Variants in PDZRN4 observed in about 807,000 individuals in gnomAD.
The protein encoded by PDZRN4 is PDZ domain containing ring finger 4.
A neutral mutation model predicts 99.0 loss-of-function variants in PDZRN4; 70 were observed. That is an observed-to-expected ratio of 0.71 (90% CI 0.58 to 0.86). The LOEUF (loss-of-function observed/expected upper bound fraction) is 0.86, where lower values mean the gene tolerates loss of function less well. PDZRN4 is among the 40% of genes least tolerant of loss of function. PDZRN4 has a pLI of 0.00. For missense variants in PDZRN4, 1,474 were observed against 1,331.2 expected, an observed-to-expected ratio of 1.11 and a Z score of -1.67; for synonymous variants, 551 against 501.6, an observed-to-expected ratio of 1.10 and a Z score of -1.32.
At chr12:41,364,984 T>C (rs1023276429) in intron 3 of PDZRN4, among the ~76,000 whole-genome samples, 2 of 149,944 alleles carry the variant, frequency 1.3e-5, no homozygotes, top group African/African-American at 5.0e-5. Flanking sequence ...ATGTAGTTTT[T>C]CTAGCCCCCT....
intron 3 of PDZRN4, among the ~76,000 whole-genome samples, chr12:41,203,717 C>T (rs926995657): frequency 2.0e-5 from 3 of 151,908 alleles, no homozygotes; most frequent in Non-Finnish European, 2.9e-5. Context: ...GTGCCTTCAA[C>T]CATTGCTTAA....
intron 3 of PDZRN4, among the ~76,000 whole-genome samples, chr12:41,466,324 A>G (rs985754093): frequency 3.9e-5 from 6 of 152,196 alleles, no homozygotes; most frequent in Admixed American, 2.6e-4. Flanking sequence ...TAGGTTAGGC[A>G]TTAATACCGC....
intron 7 of PDZRN4, among the ~76,000 whole-genome samples, chr12:41,561,767 A>G (rs2120829630): frequency 6.6e-6 from 1 of 152,060 alleles, no homozygotes; most frequent in Non-Finnish European, 1.5e-5. Flanking sequence ...ATGAATAAAC[A>G]GGTCCATGTT....
At chr12:41,369,224 C>A (rs973259976) in intron 3 of PDZRN4, among the ~76,000 whole-genome samples, 4 of 152,006 alleles carry the variant, frequency 2.6e-5, no homozygotes, top group African/African-American at 9.7e-5. Flanking sequence ...TAAACAGCAT[C>A]TCATTTTACC....
intron 3 of PDZRN4, among the ~76,000 whole-genome samples, chr12:41,349,771 A>G (rs1951878066): frequency 6.6e-6 from 1 of 152,042 alleles, no homozygotes; most frequent in Non-Finnish European, 1.5e-5. Context: ...AATTACAATG[A>G]GGCATTTCAT....
At chr12:41,190,232 A>C (rs565565845) in intron 1 of PDZRN4, among the ~76,000 whole-genome samples, 8 of 152,292 alleles carry the variant, frequency 5.3e-5, no homozygotes, top group Non-Finnish European at 8.8e-5. Context: ...TAAAAGAGAA[A>C]ATTGAAGTGA....
intron 3 of PDZRN4, among the ~76,000 whole-genome samples, chr12:41,249,885 A>G (rs926442754): frequency 4.6e-5 from 7 of 152,220 alleles, no homozygotes; most frequent in Non-Finnish European, 8.8e-5. Context: ...TCCTTCATTT[A>G]TAGTGAGGGG....
At chr12:41,539,529 T>C (rs1938811510) in intron 5 of PDZRN4, among the ~76,000 whole-genome samples, 1 of 152,118 alleles carries the variant, frequency 6.6e-6, no homozygotes, top group African/African-American at 2.4e-5. Flanking sequence ...TTTCCTGTTA[T>C]GATGACCACA....
intron 3 of PDZRN4, among the ~76,000 whole-genome samples, chr12:41,484,610 G>A (rs1414175847): frequency 6.6e-6 from 1 of 152,164 alleles, no homozygotes; most frequent in African/African-American, 2.4e-5. Context: ...ATTAATGTCA[G>A]TTATTAGAAA....
chr12:41,487,443 G>A (rs1000908985), intron 3 of PDZRN4, among the ~76,000 whole-genome samples: 28 of 152,132 alleles, frequency 1.8e-4, no homozygotes, highest in Admixed American at 3.9e-4. Flanking sequence ...TTAGCTTTGA[G>A]TTTTAATAAC....
intron 3 of PDZRN4, among the ~76,000 whole-genome samples, chr12:41,457,809 C>T (rs965964997): frequency 1.3e-5 from 2 of 152,068 alleles, no homozygotes; most frequent in Non-Finnish European, 2.9e-5. Context: ...AATGACCATC[C>T]AATTAAATCC....
chr12:41,483,495 C>T (rs915381078), intron 3 of PDZRN4, among the ~76,000 whole-genome samples: 2 of 152,092 alleles, frequency 1.3e-5, no homozygotes, highest in Non-Finnish European at 2.9e-5. Context: ...CCTTCCCCAC[C>T]CCATGTAGGG....
intron 5 of PDZRN4, among the ~76,000 whole-genome samples, chr12:41,535,841 T>C (rs1350554238): frequency 6.6e-6 from 1 of 152,160 alleles, no homozygotes; most frequent in Non-Finnish European, 1.5e-5. Flanking sequence ...AGCTTAGACT[T>C]CCCAGCCCTC....
intron 3 of PDZRN4, among the ~76,000 whole-genome samples, chr12:41,450,794 G>T (rs1454909727): frequency 6.6e-6 from 1 of 152,062 alleles, no homozygotes; most frequent in Non-Finnish European, 1.5e-5. Flanking sequence ...CGAGCTTGGT[G>T]GTTCATGCCT....
intron 3 of PDZRN4, among the ~76,000 whole-genome samples, chr12:41,245,170 T>C (rs1566390471): frequency 6.6e-6 from 1 of 152,052 alleles, no homozygotes; most frequent in Non-Finnish European, 1.5e-5. Flanking sequence ...TCTTGTGTAT[T>C]ATATATATAT....
intron 3 of PDZRN4, among the ~76,000 whole-genome samples, chr12:41,501,189 A>G (rs2120659034): frequency 6.6e-6 from 1 of 152,292 alleles, no homozygotes; most frequent in South Asian, 2.1e-4. Flanking sequence ...AGGTGCTTAG[A>G]AGCCCTTATT....
At chr12:41,468,573 A>G (rs993459417) in intron 3 of PDZRN4, among the ~76,000 whole-genome samples, 1 of 152,210 alleles carries the variant, frequency 6.6e-6, no homozygotes, top group African/African-American at 2.4e-5. Context: ...TCATCCACTA[A>G]AAATATACGT....
intron 3 of PDZRN4, among the ~76,000 whole-genome samples, chr12:41,390,530 A>C (rs1308891912): frequency 7.5e-6 from 1 of 133,960 alleles, no homozygotes; most frequent in African/African-American, 2.9e-5. Context: ...TACTATTTTC[A>C]CCTGGTAGTC....
chr12:41,249,273 A>G (rs1276116411), intron 3 of PDZRN4, among the ~76,000 whole-genome samples: 1 of 152,220 alleles, frequency 6.6e-6, no homozygotes, highest in African/African-American at 2.4e-5. Context: ...CTGACCCAAT[A>G]CCACAAAAAG....
Sources: allele counts gnomAD v4.1 joint callset (sites outside exome capture counted in the v4.1 genomes callset), GRCh38; gene constraint gnomAD v4.1.1; transcripts MANE v1.5; gene names NCBI Gene and HGNC (gene_info 2026-07-23, HGNC 2026-07-21).